NRCAM: variants seen among roughly 807,000 people sequenced by gnomAD.
NRCAM encodes the protein neuronal cell adhesion molecule, also known as NgCAM-related cell adhesion molecule.
A neutral mutation model predicts 156.5 loss-of-function variants in NRCAM; 83 were observed. That is an observed-to-expected ratio of 0.53 (90% CI 0.44 to 0.64). The LOEUF (loss-of-function observed/expected upper bound fraction) is 0.64, where lower values mean the gene tolerates loss of function less well. Among genes scored for constraint, NRCAM ranks in the 30% least tolerant of loss-of-function variants. NRCAM has a pLI of 0.00. For missense variants in NRCAM, 1,417 were observed against 1,597.3 expected, an observed-to-expected ratio of 0.89 and a Z score of 1.92; for synonymous variants, 538 against 563.9, an observed-to-expected ratio of 0.95 and a Z score of 0.65.
intron 3 of NRCAM, among the ~76,000 whole-genome samples, chr7:108,251,480 T>C (rs1300942382): frequency 6.6e-6 from 1 of 152,198 alleles, no homozygotes; most frequent in African/African-American, 2.4e-5. Context: ...CAATGAATTA[T>C]GAGAGCCAAA....
chr7:108,280,307 A>C (rs190643544), intron 3 of NRCAM, among the ~76,000 whole-genome samples: 1 of 149,156 alleles, frequency 6.7e-6, no homozygotes, highest in Non-Finnish European at 1.5e-5. Flanking sequence ...AAGAGGCTTC[A>C]TATGTGAGGT....
chr7:108,244,749 T>C (rs2095794629), intron 3 of NRCAM, among the ~76,000 whole-genome samples: 1 of 152,290 alleles, frequency 6.6e-6, no homozygotes, highest in East Asian at 1.9e-4. Context: ...TCTTCCACAG[T>C]AGAGGCTCTA....
At chr7:108,194,228 C>A in intron 16 of NRCAM, 34 bp downstream of exon 16, 1 of 1,610,476 alleles carries the variant, frequency 6.2e-7, no homozygotes, top group Non-Finnish European at 8.5e-7. Flanking sequence ...TGTTCAAAGT[C>A]ATTTAAAAAT....
At chr7:108,380,212 AAACAT>A (rs1563526130) in intron 2 of NRCAM, among the ~76,000 whole-genome samples, 1 of 152,228 alleles carries the variant, frequency 6.6e-6, no homozygotes, top group African/African-American at 2.4e-5. Flanking sequence ...TAAATCTCAT[AAACAT>A]AACATTAAGT....
chr7:108,416,343 A>C (rs1355559749), intron 1 of NRCAM, among the ~76,000 whole-genome samples: 1 of 152,188 alleles, frequency 6.6e-6, no homozygotes, highest in African/African-American at 2.4e-5. Flanking sequence ...ATTCTAGCAA[A>C]ATTGACATGG....
intron 1 of NRCAM, among the ~76,000 whole-genome samples, chr7:108,426,452 T>C (rs920748583): frequency 6.6e-6 from 1 of 152,232 alleles, no homozygotes; most frequent in African/African-American, 2.4e-5. Flanking sequence ...CTAATGCCCA[T>C]AGGGAAATCC....
chr7:108,215,234 A>G (rs2087414793), intron 11 of NRCAM, among the ~76,000 whole-genome samples: 2 of 110,008 alleles, frequency 1.8e-5, no homozygotes, highest in Admixed American at 9.2e-5. Context: ...TTTTTTTGAG[A>G]TGGAGTCTTG....
At chr7:108,172,205 C>T (rs1269833880) in intron 28 of NRCAM, among the ~76,000 whole-genome samples, 1 of 152,156 alleles carries the variant, frequency 6.6e-6, no homozygotes, top group African/African-American at 2.4e-5. Flanking sequence ...CTTTTTGAGC[C>T]TGCACATTTT....
rs537872775 is a variant in NRCAM at position 108,331,840 on chromosome 7, T to G, written c.-173-19109A>C. Reference sequence around the variant, plus strand: ...CCCAAGTTCACATTCATTGCCAGTTTTTTTCTGCAATGTCTTTATAAGTTC... The same window carrying G: ...CCCAAGTTCACATTCATTGCCAGTTGTTTTCTGCAATGTCTTTATAAGTTC... On this transcript the variant is annotated intron_variant, in intron 2 of 32. Transcript: ENST00000379028. 3.3e-5 allele frequency among the ~76,000 whole-genome samples: 5 copies of G among 152,332 alleles called. No homozygotes were observed. In the East Asian group the frequency reaches 9.6e-4, roughly 29 times the overall value.
intron 3 of NRCAM, among the ~76,000 whole-genome samples, chr7:108,264,292 C>T (rs1481266293): frequency 6.6e-6 from 1 of 152,228 alleles, no homozygotes; most frequent in Non-Finnish European, 1.5e-5. Context: ...TTCTTTTCTA[C>T]TTCCTGTGTA....
At chr7:108,254,583 T>A (rs2096539540) in intron 3 of NRCAM, among the ~76,000 whole-genome samples, 1 of 146,968 alleles carries the variant, frequency 6.8e-6, no homozygotes, top group South Asian at 2.1e-4. Flanking sequence ...GAACTAGCTC[T>A]GTTGCCCAGG....
chr7:108,175,258 C>A, intron 28 of NRCAM, 64 bp downstream of exon 28: 1 of 1,355,184 alleles, frequency 7.4e-7, no homozygotes, highest in Non-Finnish European at 1.0e-6. Context: ...CCATGCTGCA[C>A]TTCCCCATGT....
In NRCAM at chr7:108,240,189, G is replaced by A. The variant is rs1411247393; in HGVS notation, c.-106-19C>T. On this transcript the variant is annotated intron_variant, in intron 3 of 32. Transcript: ENST00000379028. ...CGGGAAACTGAAAAAGGATAGAGTA[G>A]GAATAATAATTATAATGTATTAAAA... 2 of 607,242 alleles carry A rather than the reference G, an allele frequency of 3.3e-6. No homozygotes were observed. The highest frequency in any genetic ancestry group is 5.8e-6 in the Non-Finnish European group (2 of 343,306). 37.6% of individuals were successfully genotyped at this position (607,242 alleles called of 1,614,324 possible). A position where few individuals can be genotyped will look rare whatever the true frequency, so the allele number is the denominator to read the frequency against.
At chr7:108,315,912 TC>T (rs1222225976) in intron 2 of NRCAM, among the ~76,000 whole-genome samples, 1 of 152,194 alleles carries the variant, frequency 6.6e-6, no homozygotes, top group Non-Finnish European at 1.5e-5. Context: ...GATGCAAACA[TC>T]CAATAGTGAG....
At chr7:108,239,547 G>C (rs1035593978) in intron 4 of NRCAM, among the ~76,000 whole-genome samples, 1 of 152,128 alleles carries the variant, frequency 6.6e-6, no homozygotes, top group African/African-American at 2.4e-5. Flanking sequence ...AGCATATGAC[G>C]GGAAAGAGTA....
In NRCAM at chr7:108,325,437, A is replaced by AT. The variant is rs1022240744; in HGVS notation, c.-173-12707dup. On this transcript the variant is annotated intron_variant, in intron 2 of 32. Transcript: ENST00000379028. Reference sequence around the variant, plus strand: ...ACCTACCTTTTGACATTTAGAAAAGATTTTTTTTTTTCCTGGATCTTGGAG... The same window carrying AT: ...ACCTACCTTTTGACATTTAGAAAAGATTTTTTTTTTTTCCTGGATCTTGGAG... 9.6e-4 allele frequency among the ~76,000 whole-genome samples: 143 copies of AT among 148,388 alleles called. No individual in the cohort carries two copies. In the East Asian group the frequency reaches 0.01, roughly 11 times the overall value.
At chr7:108,194,195 C>G in intron 16 of NRCAM, 24 bp from the exon 17 acceptor site, 1 of 1,612,480 alleles carries the variant, frequency 6.2e-7, no homozygotes, top group Non-Finnish European at 8.5e-7. Flanking sequence ...TCATCGTTAT[C>G]CATTTGGCAA....
chr7:108,455,185 T>G (rs904019620), intron 1 of NRCAM, among the ~76,000 whole-genome samples: 25 of 152,218 alleles, frequency 1.6e-4, no homozygotes, highest in African/African-American at 5.8e-4. Flanking sequence ...ACTCCCTTGC[T>G]CACCCTACTG....
rs184074789 is a variant in NRCAM at position 108,223,868 on chromosome 7, C to T, written c.779-32G>A. 60 of 992,836 alleles carry T rather than the reference C, an allele frequency of 6.0e-5. No individual in the cohort carries two copies. In the Admixed American group the frequency reaches 1.0e-3, roughly 17 times the overall value. The allele number at this position is 992,836 out of a possible 1,614,324, so 61.5% of individuals were successfully genotyped here. A position where few individuals can be genotyped will look rare whatever the true frequency, so the allele number is the denominator to read the frequency against. ...ACAAGAAAATCAGTATGCATTACAACTTATAAATATGTATTTCTATAAACA... is the reference window on the plus strand; with the variant it reads ...ACAAGAAAATCAGTATGCATTACAATTTATAAATATGTATTTCTATAAACA... On this transcript the variant is annotated intron_variant, in intron 10 of 32. Transcript: ENST00000379028.
Sources: gnomAD v4.1 joint callset for allele counts (sites outside exome capture counted in the v4.1 genomes callset) on GRCh38, gnomAD v4.1.1 for gene constraint, MANE v1.5 for transcripts, NCBI Gene and HGNC (gene_info 2026-07-23, HGNC 2026-07-21) for gene names.